CELF6: variants seen among roughly 807,000 people sequenced by gnomAD.
CELF6 encodes Bruno -like 6, RNA binding protein.
CELF6 carries 32 observed loss-of-function variants against 53.1 expected under a neutral mutation model. That is an observed-to-expected ratio of 0.60 (90% CI 0.46 to 0.81). The LOEUF is 0.81. Ranked by LOEUF, CELF6 falls within the 30% of genes least tolerant of loss-of-function variation. The pLI is 0.00. For missense variants in CELF6, 539 were observed against 669.5 expected, an observed-to-expected ratio of 0.81 and a Z score of 2.15; for synonymous variants, 291 against 288.8, an observed-to-expected ratio of 1.01 and a Z score of -0.08.
At chr15:72,318,657 G>A (rs1036871650) in intron 1 of CELF6, among the ~76,000 whole-genome samples, 2 of 152,132 alleles carry the variant, frequency 1.3e-5, no homozygotes, top group Non-Finnish European at 2.9e-5. Flanking sequence ...GAACAGGACC[G>A]TGTATCTCTC....
chr15:72,287,190 G>A (rs2087933105), intron 12 of CELF6, 47 bp downstream of exon 12: 9 of 1,536,546 alleles, frequency 5.9e-6, no homozygotes, highest in African/African-American at 1.4e-5. Flanking sequence ...AGCTGGGAGG[G>A]CCTCATCACT....
chr15:72,289,603 C>A lies in CELF6; in HGVS notation c.747+24G>T. On this transcript the variant is annotated intron_variant, in intron 6 of 12. Coordinates refer to ENST00000287202, the MANE Select transcript of CELF6 (RefSeq NM_052840.5). The surrounding 1 kb of genome is among the most constrained non-coding windows in gnomAD (Gnocchi z 7.6). ...CCTGGCCCACCCACCTGCGCGCCCT[C>A]GCACGCAGGTGCCCGGTACCTACCG... 1 of 1,484,496 alleles carries A rather than the reference C, an allele frequency of 6.7e-7. No homozygotes were observed. The highest frequency in any genetic ancestry group is 8.9e-7 in the Non-Finnish European group (1 of 1,125,356). The allele number at this position is 1,484,496 out of a possible 1,614,324, so 92.0% of individuals were successfully genotyped here. A position where few individuals can be genotyped will look rare whatever the true frequency, so the allele number is the denominator to read the frequency against.
Position 72,319,919 on chromosome 15 carries a change from TGTCCCGCC to T in CELF6, c.-53_-46del. ...TCCCGCCGGTCCCACTGGTCCCGCC[TGTCCCGCC>T]GTCCCCTCCCTGGACCGGTGGCGAG... On this transcript the variant is annotated 5_prime_UTR_variant, in exon 1 of 13. Coordinates refer to ENST00000287202, the MANE Select transcript of CELF6 (RefSeq NM_052840.5). The surrounding 1 kb of genome is among the most constrained non-coding windows in gnomAD (Gnocchi z 5.0). 1 of 1,414,592 alleles carries T rather than the reference TGTCCCGCC, an allele frequency of 7.1e-7. No individual in the cohort carries two copies. The highest frequency in any genetic ancestry group is 1.5e-5 in the African/African-American group (1 of 66,316). 87.6% of individuals were successfully genotyped at this position (1,414,592 alleles called of 1,614,324 possible). A position where few individuals can be genotyped will look rare whatever the true frequency, so the allele number is the denominator to read the frequency against.
At chr15:72,304,626 C>A in intron 3 of CELF6, 120 bp downstream of exon 3, 1 of 850,732 alleles carries the variant, frequency 1.2e-6, no homozygotes. Context: ...AACTCTGAGC[C>A]CCACCTGTCC....
intron 2 of CELF6, among the ~76,000 whole-genome samples, chr15:72,305,858 T>TTG (rs201655907): frequency 2.7e-5 from 4 of 148,768 alleles, no homozygotes; most frequent in Admixed American, 6.7e-5. Context: ...TCATTTGTTT[T>TTG]TTTTTTTTTT....
chr15:72,289,605 C>A lies in CELF6; in HGVS notation c.747+22G>T. 6.7e-7 allele frequency: 1 copy of A among 1,486,616 alleles called. No homozygotes were observed. Among genetic ancestry groups the A allele is most frequent in the Admixed American group, 2.4e-5 (1 of 42,044 alleles). The allele number at this position is 1,486,616 out of a possible 1,614,324, so 92.1% of individuals were successfully genotyped here. On this transcript the variant is annotated intron_variant, in intron 6 of 12. Transcript: ENST00000287202. This position sits in a 1 kb window ranked among gnomAD's most constrained non-coding sequence, Gnocchi z 7.6. ...TGGCCCACCCACCTGCGCGCCCTCG[C>A]ACGCAGGTGCCCGGTACCTACCGCC...
chr15:72,314,541 T>C (rs1358413136), intron 2 of CELF6, among the ~76,000 whole-genome samples: 1 of 149,952 alleles, frequency 6.7e-6, no homozygotes, highest in Non-Finnish European at 1.5e-5. Flanking sequence ...AACTGATAAA[T>C]GGCAGAGCTG....
chr15:72,288,299 T>C lies in CELF6; in HGVS notation c.1318+9A>G, dbSNP rs757477183. 1 of 1,614,136 alleles carries C rather than the reference T, an allele frequency of 6.2e-7. No homozygotes were observed. The highest frequency in any genetic ancestry group is 1.7e-5 in the Admixed American group (1 of 60,020). ...GTGGGAGAGGCCTAGGGGTAGGTTC[T>C]CAGCTCACCAAAACACTTGCTCTGG... On this transcript the variant is annotated intron_variant, in intron 11 of 12. Coordinates refer to ENST00000287202, the MANE Select transcript of CELF6 (RefSeq NM_052840.5). The surrounding 1 kb of genome is among the most constrained non-coding windows in gnomAD (Gnocchi z 4.6).
chr15:72,296,982 T>C (rs1443468759), intron 3 of CELF6, among the ~76,000 whole-genome samples: 1 of 152,234 alleles, frequency 6.6e-6, no homozygotes, highest in Non-Finnish European at 1.5e-5. Flanking sequence ...CAGGGTCTTT[T>C]CAAAAATTAA....
chr15:72,304,290 C>A (rs111460264), intron 3 of CELF6, among the ~76,000 whole-genome samples: 2 of 152,124 alleles, frequency 1.3e-5, no homozygotes, highest in African/African-American at 2.4e-5. Context: ...GTCGTACCAG[C>A]CTTATCTTTT....
Position 72,290,272 on chromosome 15 carries a change from GA to G in CELF6, c.395-18del. 9 of 1,610,558 alleles carry G rather than the reference GA, an allele frequency of 5.6e-6. No individual in the cohort carries two copies. The highest frequency in any genetic ancestry group is 7.6e-6 in the Non-Finnish European group (9 of 1,178,638). On this transcript the variant is annotated intron_variant, in intron 3 of 12. Coordinates refer to ENST00000287202, the MANE Select transcript of CELF6 (RefSeq NM_052840.5). ...TTCGGTCCTCTGGGGACAAAGCCAG[GA>G]ATGACCTGGGGACCCCAAGTCTTCC...
chr15:72,292,294 G>A, intron 3 of CELF6: 1 of 1,482,622 alleles, frequency 6.7e-7, no homozygotes, highest in Non-Finnish European at 9.1e-7. Flanking sequence ...TCTTTCATGA[G>A]TCTCTCAACC....
chr15:72,302,756 C>T (rs12102191), intron 3 of CELF6, among the ~76,000 whole-genome samples: 3,189 of 152,326 alleles, frequency 0.021, 65 homozygotes, highest in African/African-American at 0.049. Flanking sequence ...CTGGGGCCTG[C>T]GGACATGCTC....
chr15:72,309,251 T>C (rs2088267741), intron 2 of CELF6, among the ~76,000 whole-genome samples: 1 of 152,164 alleles, frequency 6.6e-6, no homozygotes, highest in Non-Finnish European at 1.5e-5. Flanking sequence ...CTAGTCAGTT[T>C]TGTCTTATGA....
intron 3 of CELF6, among the ~76,000 whole-genome samples, chr15:72,301,837 C>T (rs1413103220): frequency 2.0e-5 from 3 of 150,166 alleles, no homozygotes; most frequent in South Asian, 2.1e-4. Context: ...GCTGGGTTCA[C>T]GCCGTTCTCC....
At chr15:72,313,278 C>T (rs1438838256) in intron 2 of CELF6, among the ~76,000 whole-genome samples, 1 of 152,190 alleles carries the variant, frequency 6.6e-6, no homozygotes, top group Non-Finnish European at 1.5e-5. Flanking sequence ...GTTTTCTCAC[C>T]TGTAAAATGG....
chr15:72,316,098 G>A (rs1289264097), intron 1 of CELF6, among the ~76,000 whole-genome samples, 171 bp from the exon 2 acceptor site: 2 of 152,130 alleles, frequency 1.3e-5, no homozygotes, highest in African/African-American at 4.8e-5. Context: ...TCATGTGCCT[G>A]GGGACCAGTG....
intron 3 of CELF6, among the ~76,000 whole-genome samples, chr15:72,298,522 C>A (rs570575431): frequency 1.3e-5 from 2 of 152,034 alleles, no homozygotes; most frequent in Non-Finnish European, 1.5e-5. Context: ...GGATTGATTA[C>A]CTAACCTATT....
At chr15:72,306,012 A>G in intron 2 of CELF6, 1 of 877,194 alleles carries the variant, frequency 1.1e-6, no homozygotes. Flanking sequence ...TCACCCAGGA[A>G]CCAGATGAGG....
Sources: allele counts gnomAD v4.1 joint callset (sites outside exome capture counted in the v4.1 genomes callset), GRCh38; gene constraint gnomAD v4.1.1; non-coding constraint Gnocchi (gnomAD v3.1); transcripts MANE v1.5; gene names NCBI Gene and HGNC (gene_info 2026-07-23, HGNC 2026-07-21).